The following DNAH12 variants were observed in gnomAD, a reference collection of about 807,000 sequenced individuals.
The protein encoded by DNAH12 is axonemal beta dynein heavy chain 12.
DNAH12 carries 285 observed loss-of-function variants against 371.5 expected under a neutral mutation model. The ratio of observed to expected loss-of-function variants is 0.77; its 90% CI spans 0.70 to 0.85. DNAH12 has a LOEUF of 0.85. Among genes scored for constraint, DNAH12 ranks in the 40% least tolerant of loss-of-function variants. The probability of loss-of-function intolerance (pLI) is 0.00; values close to 1 mark genes in which losing one functional copy is unlikely to be tolerated. For synonymous variants in DNAH12, 1,200 were observed against 1,213.0 expected (o/e 0.99, Z 0.22); for missense variants, 3,611 against 3,689.4 (o/e 0.98, Z 0.55).
chr3:57,304,892 T>TA (rs2061437053), intron 69 of DNAH12, among the ~76,000 whole-genome samples: 1 of 152,050 alleles, frequency 6.6e-6, no homozygotes, highest in African/African-American at 2.4e-5. Context: ...TTCGTGTCTC[T>TA]ACTCTCTTTT....
At chr3:57,420,671 A>G (rs1225940419) in intron 36 of DNAH12, among the ~76,000 whole-genome samples, 1 of 151,876 alleles carries the variant, frequency 6.6e-6, no homozygotes, top group African/African-American at 2.4e-5. Flanking sequence ...GCACTTTGGG[A>G]GGCTGAGGTG....
chr3:57,463,810 C>G (rs1193009379), intron 17 of DNAH12, among the ~76,000 whole-genome samples: 1 of 152,056 alleles, frequency 6.6e-6, no homozygotes, highest in East Asian at 1.9e-4. Flanking sequence ...CTCCGTCCCC[C>G]AGGCTGGAGT....
At chr3:57,483,337 A>G (rs1367870655) in intron 13 of DNAH12, 39 bp downstream of exon 13, 2 of 1,533,174 alleles carry the variant, frequency 1.3e-6, no homozygotes, top group Middle Eastern at 1.7e-4. Flanking sequence ...ATATTTCACA[A>G]TGAAAACAAA....
chr3:57,447,884 A>G (rs1490022345), intron 25 of DNAH12, among the ~76,000 whole-genome samples: 5 of 152,110 alleles, frequency 3.3e-5, no homozygotes, highest in Admixed American at 2.0e-4. Flanking sequence ...TGTGTTGCCC[A>G]AGCTGGTCTC....
At chr3:57,313,715 G>A (rs1218814764) in intron 66 of DNAH12, among the ~76,000 whole-genome samples, 1 of 152,200 alleles carries the variant, frequency 6.6e-6, no homozygotes, top group Non-Finnish European at 1.5e-5. Flanking sequence ...GCTGAGGCAG[G>A]AGGATTGCTT....
intron 16 of DNAH12, 121 bp from the exon 17 acceptor site, chr3:57,469,100 C>T: frequency 1.1e-6 from 1 of 881,236 alleles, no homozygotes; most frequent in Non-Finnish European, 1.7e-6. Context: ...GAGCTGTTAA[C>T]AGTTTTTCTC....
intron 12 of DNAH12, among the ~76,000 whole-genome samples, chr3:57,484,310 C>T (rs2066855066): frequency 6.6e-6 from 1 of 152,152 alleles, no homozygotes; most frequent in Non-Finnish European, 1.5e-5. Flanking sequence ...TAACAGTTCT[C>T]TTAGAATATC....
chr3:57,309,245 C>T lies in DNAH12; in HGVS notation c.11095G>A (p.Asp3699Asn). The T allele has an allele frequency of 6.5e-7, 1 of 1,545,326 alleles. No individual in the cohort carries two copies. The highest frequency in any genetic ancestry group is 8.7e-7 in the Non-Finnish European group (1 of 1,145,392). The change falls in exon 69 of 74, where the codon GAT becomes AAT. Residue 3699 changes from aspartate (D) to asparagine (N), a missense_variant. Around this residue, in one of 3 missense-constraint regions of DNAH12, gnomAD observed 2,266 missense variants for 2,236.9 expected, o/e 1.01. Coordinates refer to ENST00000495027, the MANE Select transcript of DNAH12 (RefSeq NM_001366028.2). ...CGTAGTGCCATTTCAATGTCGAAATCACTAGGGAGCTAAAAGAATAGATTT... is the reference window on the plus strand; with the variant it reads ...CGTAGTGCCATTTCAATGTCGAAATTACTAGGGAGCTAAAAGAATAGATTT... ...TKDILNKLPSDFDIEMALRKY... is the reference protein window; with the variant it reads ...TKDILNKLPSNFDIEMALRKY...
At chr3:57,420,926 A>AT (rs1183288742) in intron 36 of DNAH12, among the ~76,000 whole-genome samples, 3 of 151,612 alleles carry the variant, frequency 2.0e-5, no homozygotes, top group African/African-American at 7.3e-5. Context: ...AAAAAAAAAA[A>AT]AAAAGAAAGA....
In DNAH12 at chr3:57,405,057, T is replaced by C. The variant is rs940331395; in HGVS notation, c.6667A>G (p.Asn2223Asp). The C allele has an allele frequency of 7.1e-5, 110 of 1,546,748 alleles. No individual in the cohort carries two copies. Among genetic ancestry groups the C allele is most frequent in the Non-Finnish European group, 9.1e-5 (104 of 1,145,542 alleles). ...GDDRVYIEIP[N>D]IHHFSDVVDQ... ...ACAACATCACTAAAATGATGAATAT[T>C]TGGAATTTCAATATAAACTCTATCA... is the stretch of plus-strand genomic sequence containing the variant. Residue 2223 changes from asparagine (N) to aspartate (D), a missense_variant, in exon 42 of 74, where the codon AAT becomes GAT. Around this residue, in one of 3 missense-constraint regions of DNAH12, gnomAD observed 2,266 missense variants for 2,236.9 expected, o/e 1.01. Transcript: ENST00000495027.
intron 39 of DNAH12, among the ~76,000 whole-genome samples, chr3:57,410,309 AT>A (rs201159158): frequency 0.024 from 3,594 of 150,842 alleles, 66 homozygotes; most frequent in Admixed American, 0.035. Context: ...AAACTTTTCC[AT>A]TTTTTTTATA....
At chr3:57,376,127 C>T (rs986335464) in intron 53 of DNAH12, among the ~76,000 whole-genome samples, 162 bp from the exon 54 acceptor site, 22 of 151,978 alleles carry the variant, frequency 1.4e-4, no homozygotes, top group Non-Finnish European at 2.6e-4. Context: ...AGCTCTTATA[C>T]GCTATAACAT....
intron 37 of DNAH12, among the ~76,000 whole-genome samples, chr3:57,418,366 A>C (rs901880936): frequency 2.6e-4 from 7 of 27,190 alleles, no homozygotes; most frequent in African/African-American, 8.8e-4. Context: ...CTGTCTCTAC[A>C]AAAAAAAAAA....
rs1401135138 is a variant in DNAH12, at chr3:57,309,250, G to A, written c.11090C>T (p.Pro3697Leu). 48 of 1,542,546 alleles carry A rather than the reference G, an allele frequency of 3.1e-5. No homozygotes were observed. Among genetic ancestry groups the A allele is most frequent in the Non-Finnish European group, 3.9e-5 (45 of 1,144,686 alleles). Residue 3697 changes from proline (P) to leucine (L), a missense_variant, in exon 69 of 74, where the codon CCT becomes CTT. Around this residue, in one of 3 missense-constraint regions of DNAH12, gnomAD observed 2,266 missense variants for 2,236.9 expected, o/e 1.01. Transcript: ENST00000495027. ...TGCCATTTCAATGTCGAAATCACTAGGGAGCTAAAAGAATAGATTTTGAAG... is the reference window on the plus strand; with the variant it reads ...TGCCATTTCAATGTCGAAATCACTAAGGAGCTAAAAGAATAGATTTTGAAG... Reference protein sequence around the residue: ...EITKDILNKLPSDFDIEMALR... With the variant: ...EITKDILNKLLSDFDIEMALR...
chr3:57,428,586 G>T (rs1361354168), intron 34 of DNAH12, 47 bp downstream of exon 34: 7 of 1,509,748 alleles, frequency 4.6e-6, no homozygotes, highest in Non-Finnish European at 6.2e-6. Flanking sequence ...TAGTCAAGTT[G>T]AATGGAAACA....
At chr3:57,522,870 T>C (rs1420748010) in intron 4 of DNAH12, among the ~76,000 whole-genome samples, 1 of 152,068 alleles carries the variant, frequency 6.6e-6, no homozygotes, top group Non-Finnish European at 1.5e-5. Flanking sequence ...GCACCTAGCA[T>C]TTGGCAAGCA....
intron 43 of DNAH12, among the ~76,000 whole-genome samples, chr3:57,397,440 A>G (rs2063767577): frequency 6.6e-6 from 1 of 152,206 alleles, no homozygotes. Flanking sequence ...CAGAAGAAAT[A>G]TAGTTGAACT....
chr3:57,549,369 T>C, the DNAH12 span, among the ~76,000 whole-genome samples: 1 of 151,354 alleles, frequency 6.6e-6, no homozygotes. Flanking sequence ...ATACGAAAAT[T>C]AGCCAGGCAT....
At chr3:57,477,319 A>G (rs6445893) in intron 13 of DNAH12, among the ~76,000 whole-genome samples, 101,595 of 151,942 alleles carry the variant, frequency 0.67, 34,214 homozygotes, top group South Asian at 0.75. Flanking sequence ...ACGGAGCCTC[A>G]CTCATTGCTA....
Sources: gnomAD v4.1 joint callset for allele counts (sites outside exome capture counted in the v4.1 genomes callset) on GRCh38, gnomAD v4.1.1 for gene constraint, gnomAD v4.1.1 regional missense constraint, MANE v1.5 for transcripts, NCBI Gene and HGNC (gene_info 2026-07-23, HGNC 2026-07-21) for gene names.